Variants in CNTN4 observed in about 807,000 individuals in gnomAD.
CNTN4 encodes the protein contactin 4, also known as contactin-4.
Under a neutral mutation model 122.5 loss-of-function variants are expected in CNTN4, and 77 were observed. That is an observed-to-expected ratio of 0.63 (90% CI 0.52 to 0.76). The LOEUF (loss-of-function observed/expected upper bound fraction) is 0.76. CNTN4 is among the 30% of genes least tolerant of loss of function. The pLI is 0.00. For missense variants in CNTN4, 1,256 were observed against 1,259.1 expected, an observed-to-expected ratio of 1.00 and a Z score of 0.04; for synonymous variants, 512 against 447.0, an observed-to-expected ratio of 1.15 and a Z score of -1.83.
intron 13 of CNTN4, among the ~76,000 whole-genome samples, chr3:2,972,911 C>G (rs927227413): frequency 1.3e-5 from 2 of 151,304 alleles, no homozygotes; most frequent in Non-Finnish European, 1.5e-5. Context: ...TAAGAGCTTC[C>G]TGCTCCTTTC....
intron 2 of CNTN4, among the ~76,000 whole-genome samples, chr3:2,258,368 G>A (rs6794440): frequency 0.78 from 117,979 of 152,074 alleles, 45,939 homozygotes; most frequent in East Asian, 0.96. Context: ...GATAGACTGG[G>A]CTTTCTGATC....
chr3:2,581,866 T>C (rs1021831727), intron 4 of CNTN4, among the ~76,000 whole-genome samples: 2 of 152,204 alleles, frequency 1.3e-5, no homozygotes. Context: ...ACTTTGAAGA[T>C]ACCGTGCTAA....
At position 2,246,949 on chromosome 3, in the gene CNTN4, A is replaced by G. The variant is rs1025830185; in HGVS notation, c.-144-92229A>G. Among the ~76,000 whole-genome samples the G allele has an allele frequency of 6.6e-5, 10 of 152,058 alleles. 1 individual carries two copies. The highest frequency in any genetic ancestry group is 2.4e-4 in the African/African-American group (10 of 41,442). On this transcript the variant is annotated intron_variant, in intron 2 of 24. Transcript: ENST00000418658. ...CAAGTTGAGTAAGTAGTGCAAACAT[A>G]CACATAGAGACAAGAAAAGTCTTAG... is the stretch of plus-strand genomic sequence containing the variant.
chr3:2,662,800 G>A (rs1001134271), intron 4 of CNTN4, among the ~76,000 whole-genome samples: 1 of 152,170 alleles, frequency 6.6e-6, no homozygotes, highest in Non-Finnish European at 1.5e-5. Context: ...GAAGAGTGTA[G>A]GAGACAGGAT....
intron 3 of CNTN4, among the ~76,000 whole-genome samples, chr3:2,480,273 C>T (rs2075954046): frequency 6.6e-6 from 1 of 151,778 alleles, no homozygotes; most frequent in Non-Finnish European, 1.5e-5. Context: ...GCTAATGCAA[C>T]AAGACAAGAA....
chr3:2,539,439 A>C (rs2149286271), intron 3 of CNTN4, among the ~76,000 whole-genome samples: 1 of 152,188 alleles, frequency 6.6e-6, no homozygotes, highest in South Asian at 2.1e-4. Context: ...GGAAACAAAT[A>C]AGATTTTTCT....
At chr3:2,970,036 T>A (rs1280880449) in intron 13 of CNTN4, among the ~76,000 whole-genome samples, 1 of 152,168 alleles carries the variant, frequency 6.6e-6, no homozygotes, top group Admixed American at 6.5e-5. Flanking sequence ...CATATAACTT[T>A]TGACTCCCCA....
intron 2 of CNTN4, among the ~76,000 whole-genome samples, chr3:2,120,401 A>T (rs1306717651): frequency 0.011 from 340 of 31,240 alleles, 9 homozygotes; most frequent in East Asian, 0.029. Flanking sequence ...ATATATATAT[A>T]TATATTTTTT....
At chr3:2,397,783 A>G (rs1313625000) in intron 3 of CNTN4, among the ~76,000 whole-genome samples, 1 of 152,152 alleles carries the variant, frequency 6.6e-6, no homozygotes, top group Non-Finnish European at 1.5e-5. Flanking sequence ...ATTTAGAAAT[A>G]ATTAGTTTGC....
Position 3,057,146 on chromosome 3 carries a change from A to T in CNTN4, c.*926A>T, listed in dbSNP as rs756793793. On this transcript the variant is annotated 3_prime_UTR_variant, in exon 25 of 25. Transcript: ENST00000418658. ...CTGTATCTATTTTGAATGTAAATTT[A>T]AAAAAAGTAATTCTCTGTCAATGGA... 12 of 152,596 alleles carry T rather than the reference A, an allele frequency of 7.9e-5. No homozygotes were observed. Among genetic ancestry groups the T allele is most frequent in the African/African-American group, 1.9e-4 (8 of 41,448 alleles). The allele number at this position is 152,596 out of a possible 1,614,324, so 9.5% of individuals were successfully genotyped here.
chr3:2,732,208 C>G (rs1479388150), intron 4 of CNTN4, among the ~76,000 whole-genome samples: 1 of 152,070 alleles, frequency 6.6e-6, no homozygotes, highest in South Asian at 2.1e-4. Flanking sequence ...AATGGAGAGC[C>G]AGGAATAGAA....
chr3:2,955,390 TACAC>T (rs2094789218), intron 13 of CNTN4, among the ~76,000 whole-genome samples: 2 of 152,304 alleles, frequency 1.3e-5, no homozygotes, highest in South Asian at 4.1e-4. Context: ...AGTGACAAAA[TACAC>T]ACAAACTCAT....
intron 4 of CNTN4, among the ~76,000 whole-genome samples, chr3:2,616,814 C>T (rs192019770): frequency 6.6e-6 from 1 of 152,250 alleles, no homozygotes; most frequent in East Asian, 1.9e-4. Context: ...TGGAACAGAA[C>T]AGAGACCTCA....
At chr3:2,315,210 T>C (rs1575351859) in intron 2 of CNTN4, among the ~76,000 whole-genome samples, 1 of 42,584 alleles carries the variant, frequency 2.3e-5, no homozygotes, top group African/African-American at 5.1e-5. Context: ...ATCAGCTCCA[T>C]TTTTTTTTTG....
At chr3:2,928,854 T>C (rs888088360) in intron 13 of CNTN4, among the ~76,000 whole-genome samples, 3 of 152,344 alleles carry the variant, frequency 2.0e-5, no homozygotes, top group African/African-American at 7.2e-5. Flanking sequence ...AAAAAGGTTT[T>C]GTCTCATCTA....
intron 3 of CNTN4, among the ~76,000 whole-genome samples, chr3:2,400,633 A>C (rs909969280): frequency 6.7e-6 from 1 of 150,360 alleles, no homozygotes; most frequent in Admixed American, 6.7e-5. Flanking sequence ...ATGTAGGTTT[A>C]GTAACAAGTT....
At chr3:2,151,826 C>T (rs2035505846) in intron 2 of CNTN4, among the ~76,000 whole-genome samples, 2 of 152,182 alleles carry the variant, frequency 1.3e-5, no homozygotes, top group South Asian at 4.1e-4. Flanking sequence ...TGAGAGTCCC[C>T]ACCAGCAAGA....
chr3:2,238,876 G>T (rs188704739), intron 2 of CNTN4: 2 of 60,768 alleles, frequency 3.3e-5, no homozygotes, highest in South Asian at 1.0e-3. Flanking sequence ...TACAGGCGCC[G>T]CCACCACGCC....
At chr3:2,547,145 A>G (rs2078278264) in intron 3 of CNTN4, among the ~76,000 whole-genome samples, 1 of 152,154 alleles carries the variant, frequency 6.6e-6, no homozygotes, top group African/African-American at 2.4e-5. Flanking sequence ...AAGACTGGGT[A>G]GCTGGAAGAA....
Sources: gnomAD v4.1 joint callset for allele counts (sites outside exome capture counted in the v4.1 genomes callset) on GRCh38, gnomAD v4.1.1 for gene constraint, MANE v1.5 for transcripts, NCBI Gene and HGNC (gene_info 2026-07-23, HGNC 2026-07-21) for gene names.